Variants in MYRFL observed in about 807,000 individuals in gnomAD.
MYRFL encodes the protein myelin regulatory factor-like protein.
Under a neutral mutation model 109.4 loss-of-function variants are expected in MYRFL, and 88 were observed. The observed-to-expected ratio is 0.80, with a 90% CI of 0.68 to 0.96. MYRFL has a LOEUF of 0.96. Ranked by LOEUF, MYRFL falls within the 40% of genes least tolerant of loss-of-function variation. The probability of loss-of-function intolerance (pLI) is 0.00; values close to 1 mark genes in which losing one functional copy is unlikely to be tolerated. For missense variants in MYRFL, 957 were observed against 954.9 expected (o/e 1.00, Z -0.03); for synonymous variants, 324 against 320.9 (o/e 1.01, Z -0.10).
At chr12:69,878,507 G>A (rs1332879334) in intron 2 of MYRFL, among the ~76,000 whole-genome samples, 1 of 152,016 alleles carries the variant, frequency 6.6e-6, no homozygotes, top group Non-Finnish European at 1.5e-5. Flanking sequence ...ATACATAATA[G>A]ATGTATATAT....
At chr12:69,944,987 T>C (rs1436047181) in intron 19 of MYRFL, among the ~76,000 whole-genome samples, 1 of 151,246 alleles carries the variant, frequency 6.6e-6, no homozygotes, top group Non-Finnish European at 1.5e-5. Context: ...ACAAATTTTT[T>C]TAACGAAAAT....
intron 16 of MYRFL, among the ~76,000 whole-genome samples, chr12:69,933,806 C>T (rs527598444): frequency 6.6e-6 from 1 of 151,962 alleles, no homozygotes; most frequent in South Asian, 2.1e-4. Context: ...AGATTCCCAG[C>T]CCGGTGGAAA....
intron 5 of MYRFL, among the ~76,000 whole-genome samples, chr12:69,886,574 A>G (rs1282908561): frequency 6.6e-6 from 1 of 152,188 alleles, no homozygotes; most frequent in Non-Finnish European, 1.5e-5. Context: ...GATGTAGGGT[A>G]GATAGATATC....
At chr12:69,940,169 A>G (rs1955599666) in intron 19 of MYRFL, among the ~76,000 whole-genome samples, 1 of 152,164 alleles carries the variant, frequency 6.6e-6, no homozygotes, top group Non-Finnish European at 1.5e-5. Flanking sequence ...CTAGCAAGGC[A>G]GGCCAACGTT....
Position 69,936,435 on chromosome 12 carries a change from C to A in MYRFL, c.2045-18C>A, listed in dbSNP as rs998998210. ...TTAACCTTCTTGCTTCCCCTCCCCC[C>A]TGCCCAATGCCTTGCAGCACCTAAT... On this transcript the variant is annotated intron_variant, in intron 18 of 24. Transcript: ENST00000552032. 1.3e-6 allele frequency: 2 copies of A among 1,532,246 alleles called. No individual in the cohort carries two copies. The highest frequency in any genetic ancestry group is 2.4e-5 in the South Asian group (2 of 83,674). The allele number at this position is 1,532,246 out of a possible 1,614,324, so 94.9% of individuals were successfully genotyped here.
At chr12:69,841,958 A>G (rs1277560284) in intron 1 of MYRFL, among the ~76,000 whole-genome samples, 3 of 152,192 alleles carry the variant, frequency 2.0e-5, no homozygotes, top group Non-Finnish European at 4.4e-5. Flanking sequence ...TATTAGCCTC[A>G]TTTTGAAAAT....
chr12:69,866,381 AG>A (rs1231664585), intron 2 of MYRFL, among the ~76,000 whole-genome samples: 1 of 152,150 alleles, frequency 6.6e-6, no homozygotes, highest in Non-Finnish European at 1.5e-5. Flanking sequence ...CCATGACCGC[AG>A]GGACACTGGG....
At chr12:69,945,542 C>T (rs1955806102) in intron 19 of MYRFL, among the ~76,000 whole-genome samples, 1 of 152,138 alleles carries the variant, frequency 6.6e-6, no homozygotes, top group Admixed American at 6.6e-5. Context: ...GTGAAGTACA[C>T]TTTGTGATGT....
chr12:69,931,970 G>A (rs1053164665), intron 15 of MYRFL, among the ~76,000 whole-genome samples: 8 of 152,142 alleles, frequency 5.3e-5, no homozygotes, highest in African/African-American at 1.9e-4. Context: ...ATAAGACACA[G>A]GCCCAGAGAT....
At chr12:69,894,923 T>C (rs1446760912) in intron 8 of MYRFL, among the ~76,000 whole-genome samples, 2 of 152,210 alleles carry the variant, frequency 1.3e-5, no homozygotes, top group African/African-American at 4.8e-5. Context: ...TGGCCTTCCT[T>C]TGGAGGAAGC....
chr12:69,876,724 T>G (rs543798791), intron 2 of MYRFL, among the ~76,000 whole-genome samples: 1 of 152,350 alleles, frequency 6.6e-6, no homozygotes, highest in South Asian at 2.1e-4. Context: ...TACATTCCAT[T>G]TTTCTTGGGA....
chr12:69,926,544 G>A (rs1208920624), intron 13 of MYRFL, 27 bp from the exon 14 acceptor site: 1 of 1,460,688 alleles, frequency 6.8e-7, no homozygotes, highest in South Asian at 1.4e-5. Flanking sequence ...GTTAATTTAT[G>A]CACTCTGTTT....
chr12:69,859,033 C>CTATATA (rs200159724), intron 2 of MYRFL, among the ~76,000 whole-genome samples: 1 of 151,472 alleles, frequency 6.6e-6, no homozygotes, highest in African/African-American at 2.4e-5. Context: ...TTTTGATATA[C>CTATATA]TATATATATA....
chr12:69,890,876 C>T (rs912100107), intron 6 of MYRFL, 95 bp from the exon 7 acceptor site: 5 of 907,586 alleles, frequency 5.5e-6, no homozygotes, highest in African/African-American at 1.7e-5. Flanking sequence ...TTTCACAGTA[C>T]GTTTTCTTGA....
intron 6 of MYRFL, among the ~76,000 whole-genome samples, chr12:69,890,093 G>GT (rs1250131517): frequency 6.6e-6 from 1 of 152,182 alleles, no homozygotes; most frequent in African/African-American, 2.4e-5. Flanking sequence ...CCATACTCTA[G>GT]TGAAAACAGG....
At chr12:69,850,375 AAT>A (rs1565969213) in intron 1 of MYRFL, among the ~76,000 whole-genome samples, 3 of 151,780 alleles carry the variant, frequency 2.0e-5, no homozygotes, top group Admixed American at 2.0e-4. Flanking sequence ...TTTAATATAA[AAT>A]ATTAATTTTA....
chr12:69,914,981 G>A (rs1438764309), intron 13 of MYRFL, among the ~76,000 whole-genome samples: 3 of 152,312 alleles, frequency 2.0e-5, no homozygotes, highest in African/African-American at 4.8e-5. Flanking sequence ...GGAGAAGCCC[G>A]GCAGTGTGCT....
At chr12:69,879,149 T>TG (rs773192998) in intron 3 of MYRFL, 46 bp from the exon 4 acceptor site, 37,184 of 702,822 alleles carry the variant, frequency 0.053, 1,102 homozygotes, top group South Asian at 0.07. Context: ...CCTCCTCGAC[T>TG]CTGGGCCGTG....
At chr12:69,856,737 A>T (rs1203270370) in intron 2 of MYRFL, among the ~76,000 whole-genome samples, 1 of 151,988 alleles carries the variant, frequency 6.6e-6, no homozygotes, top group Non-Finnish European at 1.5e-5. Flanking sequence ...GCCCATTTTT[A>T]AAAATTGAGT....
Sources: gnomAD v4.1 joint callset for allele counts (sites outside exome capture counted in the v4.1 genomes callset) on GRCh38, gnomAD v4.1.1 for gene constraint, MANE v1.5 for transcripts, NCBI Gene and HGNC (gene_info 2026-07-23, HGNC 2026-07-21) for gene names.